The following DRC3 variants were observed in gnomAD, a reference collection of about 807,000 sequenced individuals.
DRC3 encodes dynein regulatory complex subunit 3.
Under a neutral mutation model 57.6 loss-of-function variants are expected in DRC3, and 45 were observed. That is an observed-to-expected ratio of 0.78 (90% CI 0.62 to 1.00). The LOEUF is 1.00. Among genes scored for constraint, DRC3 ranks in the 50% least tolerant of loss-of-function variants. The pLI is 0.00. For synonymous variants in DRC3, 257 were observed against 272.3 expected, an observed-to-expected ratio of 0.94 and a Z score of 0.55; for missense variants, 655 against 675.2, an observed-to-expected ratio of 0.97 and a Z score of 0.33.
intron 6 of DRC3, chr17:17,994,064 C>G: frequency 2.1e-6 from 1 of 471,994 alleles, no homozygotes; most frequent in Non-Finnish European, 3.8e-6. Flanking sequence ...ACGCTGCCTT[C>G]CGCTCCTCCT....
At chr17:17,994,010 T>C in intron 6 of DRC3, 1 of 370,330 alleles carries the variant, frequency 2.7e-6, no homozygotes. Flanking sequence ...GCTCCATTGC[T>C]GTGGCTCCTG....
At chr17:18,003,674 A>C (rs1218360440) in intron 9 of DRC3, among the ~76,000 whole-genome samples, 2 of 108,954 alleles carry the variant, frequency 1.8e-5, no homozygotes, top group Admixed American at 1.3e-4. Context: ...ACAGAGTCTC[A>C]CTCTGTCGCC....
chr17:17,997,699 T>C, intron 9 of DRC3, 65 bp downstream of exon 9: 1 of 1,430,930 alleles, frequency 7.0e-7, no homozygotes, highest in Non-Finnish European at 9.3e-7. Flanking sequence ...CTCTTGCCAC[T>C]CCCACTGTAG....
intron 12 of DRC3, among the ~76,000 whole-genome samples, chr17:18,010,446 A>G (rs183942701): frequency 6.6e-6 from 1 of 152,326 alleles, no homozygotes; most frequent in Non-Finnish European, 1.5e-5. Flanking sequence ...CACCAATGAC[A>G]TTCTTCGCAG....
intron 6 of DRC3, 131 bp from the exon 7 acceptor site, chr17:17,994,168 C>T: frequency 1.6e-6 from 2 of 1,237,240 alleles, no homozygotes; most frequent in Non-Finnish European, 2.2e-6. Context: ...GCTTTCACAG[C>T]CTTCATGCAG....
intron 8 of DRC3, 104 bp downstream of exon 8, chr17:17,995,215 C>A: frequency 1.3e-6 from 1 of 770,748 alleles, no homozygotes; most frequent in South Asian, 1.6e-5. Context: ...TCTTGTAAGA[C>A]CTTGGGAGGT....
At chr17:18,004,723 A>G (rs2043881945) in intron 10 of DRC3, 2 of 517,276 alleles carry the variant, frequency 3.9e-6, no homozygotes, top group Non-Finnish European at 6.9e-6. Flanking sequence ...TTCTTCTGAA[A>G]TGGTCCCCCT....
At position 17,988,041 on chromosome 17, in the gene DRC3, C is replaced by A. The variant is rs763633738; in HGVS notation, c.387C>A (p.Ala129=). 5 of 1,613,968 alleles carry A rather than the reference C, an allele frequency of 3.1e-6. No individual in the cohort carries two copies. In the South Asian group the frequency reaches 4.4e-5, roughly 14 times the overall value. Residue 129 remains alanine, a synonymous_variant, in exon 5 of 14, where the codon GCC becomes GCA. Coordinates refer to ENST00000399187, the MANE Select transcript of DRC3 (RefSeq NM_031294.4). ...TCTCCAAGATCGACTCCCTGGACGC[C>A]CTCGTCAAGCTGCAGGTGTTGTCGC... ...NRISKIDSLD[A]LVKLQVLSLG...
intron 12 of DRC3, chr17:18,011,643 C>T: frequency 5.2e-6 from 1 of 193,218 alleles, no homozygotes; most frequent in Non-Finnish European, 1.1e-5. Flanking sequence ...GCAGTGCCAC[C>T]CTGGGCAACT....
chr17:18,004,506 C>G lies in DRC3; in HGVS notation c.1131+12C>G. ...TGGAGCAGCTGGAGGTAAGGCTGGG[C>G]CCTGGGCACAAGTGCCAGAATCTGG... On this transcript the variant is annotated intron_variant, in intron 10 of 13. Coordinates refer to ENST00000399187, the MANE Select transcript of DRC3 (RefSeq NM_031294.4). 6.2e-7 allele frequency: 1 copy of G among 1,607,270 alleles called. No homozygotes were observed. Among genetic ancestry groups the G allele is most frequent in the African/African-American group, 1.3e-5 (1 of 74,950 alleles).
chr17:18,007,673 C>G, intron 12 of DRC3: 1 of 1,348,662 alleles, frequency 7.4e-7, no homozygotes. Flanking sequence ...TAAGAAGGCT[C>G]TCCCGGATGT....
At chr17:17,999,186 G>C (rs1429179644) in intron 9 of DRC3, among the ~76,000 whole-genome samples, 1 of 152,192 alleles carries the variant, frequency 6.6e-6, no homozygotes, top group Non-Finnish European at 1.5e-5. Flanking sequence ...TTGGAACATG[G>C]AACGTGCCAC....
chr17:18,011,888 TCC>T, intron 12 of DRC3: 3 of 153,562 alleles, frequency 2.0e-5, no homozygotes, highest in Non-Finnish European at 4.4e-5. Context: ...AGTGGTGCAG[TCC>T]TGGCTCACTG....
chr17:17,998,222 G>C (rs566837858), intron 9 of DRC3, among the ~76,000 whole-genome samples: 1 of 152,158 alleles, frequency 6.6e-6, no homozygotes, highest in Non-Finnish European at 1.5e-5. Flanking sequence ...GGAGTTTAGG[G>C]AAGGCTGAGG....
chr17:18,006,148 A>T (rs772552822), intron 10 of DRC3, 35 bp from the exon 11 acceptor site: 3 of 1,508,766 alleles, frequency 2.0e-6, no homozygotes, highest in South Asian at 2.3e-5. Flanking sequence ...GGACATCTAA[A>T]TATGCATGTT....
intron 9 of DRC3, 130 bp from the exon 10 acceptor site, chr17:18,004,233 G>A: frequency 1.0e-6 from 1 of 982,622 alleles, no homozygotes. Flanking sequence ...CCAGCAAATG[G>A]CAAAGCTGAG....
At chr17:18,007,179 G>T in intron 12 of DRC3, 32 bp downstream of exon 12, 1 of 1,109,450 alleles carries the variant, frequency 9.0e-7, no homozygotes, top group Non-Finnish European at 1.3e-6. Context: ...GAGCCTGACA[G>T]ATGTGGTCCA....
intron 5 of DRC3, 49 bp downstream of exon 5, chr17:17,988,147 G>A: frequency 5.1e-6 from 8 of 1,577,748 alleles, no homozygotes; most frequent in Non-Finnish European, 6.0e-6. Flanking sequence ...GAGCCTTGGA[G>A]CGCCGTGGGT....
At chr17:17,987,895 C>G in intron 4 of DRC3, 37 bp from the exon 5 acceptor site, 1 of 1,606,152 alleles carries the variant, frequency 6.2e-7, no homozygotes, top group African/African-American at 1.3e-5. Flanking sequence ...TCCCCTGACC[C>G]AGGCAGCAGA....
Sources: gnomAD v4.1 joint callset for allele counts (sites outside exome capture counted in the v4.1 genomes callset) on GRCh38, gnomAD v4.1.1 for gene constraint, MANE v1.5 for transcripts, NCBI Gene and HGNC (gene_info 2026-07-23, HGNC 2026-07-21) for gene names.